Variants in LUZP2 observed in about 807,000 individuals in gnomAD.
LUZP2 encodes the protein leucine zipper protein 2.
Under a neutral mutation model 51.6 loss-of-function variants are expected in LUZP2, and 52 were observed. That is an observed-to-expected ratio of 1.01 (90% confidence interval 0.81 to 1.27). The LOEUF is 1.27. LUZP2 is among the 50% of genes most tolerant of loss of function. LUZP2 has a pLI of 0.00. For synonymous variants in LUZP2, 154 were observed against 137.3 expected (o/e 1.12, Z -0.85); for missense variants, 436 against 395.4 (o/e 1.10, Z -0.87).
intron 9 of LUZP2, among the ~76,000 whole-genome samples, chr11:25,027,739 G>A (rs762124242): frequency 3.7e-4 from 56 of 151,998 alleles, no homozygotes; most frequent in Middle Eastern, 3.4e-3. Context: ...GCGTGGTGGT[G>A]GGTGCCTGTT....
intron 5 of LUZP2, among the ~76,000 whole-genome samples, chr11:24,825,649 A>G (rs570349260): frequency 6.6e-6 from 1 of 152,292 alleles, no homozygotes; most frequent in South Asian, 2.1e-4. Context: ...AAGAAAAACT[A>G]TAAATTTGTC....
intron 7 of LUZP2, among the ~76,000 whole-genome samples, chr11:24,922,585 G>A (rs1173739625): frequency 6.6e-6 from 1 of 152,128 alleles, no homozygotes; most frequent in Non-Finnish European, 1.5e-5. Flanking sequence ...CCAGTTAAAT[G>A]AGGTTTGGTG....
intron 1 of LUZP2, among the ~76,000 whole-genome samples, chr11:24,712,891 G>T (rs979143071): frequency 6.6e-6 from 1 of 152,132 alleles, no homozygotes; most frequent in African/African-American, 2.4e-5. Context: ...TAGATTCCTA[G>T]GTATGGGATT....
At chr11:24,603,991 C>CTA in intron 1 of LUZP2, among the ~76,000 whole-genome samples, 1 of 151,834 alleles carries the variant, frequency 6.6e-6, no homozygotes, top group East Asian at 1.9e-4. Flanking sequence ...AAGATATTAT[C>CTA]TACAGCACAT....
chr11:24,649,444 G>C (rs1855558576), intron 1 of LUZP2, among the ~76,000 whole-genome samples: 1 of 151,960 alleles, frequency 6.6e-6, no homozygotes, highest in South Asian at 2.1e-4. Context: ...AAGTCCACTT[G>C]AGTTTTAAAT....
chr11:24,778,713 A>G (rs1395168327), intron 5 of LUZP2, among the ~76,000 whole-genome samples: 2 of 152,192 alleles, frequency 1.3e-5, no homozygotes, highest in Non-Finnish European at 2.9e-5. Context: ...TTGAGAATGA[A>G]GAGTAGAATT....
chr11:24,916,644 T>A (rs1483010804), intron 7 of LUZP2, among the ~76,000 whole-genome samples: 6 of 152,170 alleles, frequency 3.9e-5, no homozygotes, highest in Non-Finnish European at 5.9e-5. Context: ...TTCATCCATG[T>A]CCCTACAAAG....
chr11:24,812,051 G>A (rs1368052946), intron 5 of LUZP2, among the ~76,000 whole-genome samples: 2 of 152,232 alleles, frequency 1.3e-5, no homozygotes, highest in Admixed American at 6.5e-5. Context: ...TTATTTCATC[G>A]ACAATATGGG....
Position 24,497,239 on chromosome 11 carries a change from G to A in LUZP2, c.-5G>A, listed in dbSNP as rs1375869748. The A allele has an allele frequency of 1.2e-5, 19 of 1,540,952 alleles. No homozygotes were observed. Among genetic ancestry groups the A allele is most frequent in the Non-Finnish European group, 1.8e-6 (2 of 1,140,470 alleles). ...GAGGGAAGGAGGACCCCGGCAGGCA[G>A]CAGCATGAAATTCAGCCCAGCGCAC... On this transcript the variant is annotated 5_prime_UTR_variant, in exon 1 of 12. Coordinates refer to ENST00000336930, the MANE Select transcript of LUZP2 (RefSeq NM_001009909.4).
intron 10 of LUZP2, among the ~76,000 whole-genome samples, chr11:25,072,218 C>G (rs1389778415): frequency 6.6e-6 from 1 of 152,036 alleles, no homozygotes; most frequent in Non-Finnish European, 1.5e-5. Context: ...AGGCACTTTC[C>G]ATCATTACAC....
At chr11:24,959,659 A>G (rs577092458) in intron 7 of LUZP2, among the ~76,000 whole-genome samples, 2 of 152,166 alleles carry the variant, frequency 1.3e-5, no homozygotes, top group Non-Finnish European at 1.5e-5. Context: ...GGGCTGAGAC[A>G]GTGGGGTTTT....
At chr11:24,528,727 C>T (rs1850898383) in intron 1 of LUZP2, among the ~76,000 whole-genome samples, 2 of 151,234 alleles carry the variant, frequency 1.3e-5, no homozygotes, top group African/African-American at 4.8e-5. Context: ...CAGAGACGAA[C>T]TAAAATGTGT....
At chr11:24,892,011 C>A in intron 5 of LUZP2, 1 of 985,578 alleles carries the variant, frequency 1.0e-6, no homozygotes, top group Non-Finnish European at 1.2e-6. Flanking sequence ...GTAGTGCAGG[C>A]TGGCTCTTGG....
At chr11:25,045,150 A>G (rs1401764089) in intron 9 of LUZP2, among the ~76,000 whole-genome samples, 2 of 151,996 alleles carry the variant, frequency 1.3e-5, no homozygotes, top group African/African-American at 4.8e-5. Context: ...TGGCACATGT[A>G]TACATATGTA....
intron 6 of LUZP2, among the ~76,000 whole-genome samples, chr11:24,908,890 G>C (rs1853543094): frequency 6.6e-6 from 1 of 151,294 alleles, no homozygotes; most frequent in South Asian, 2.1e-4. Context: ...TGAGTAGCTG[G>C]GACTATCGGA....
chr11:24,680,229 C>A (rs914072233), intron 1 of LUZP2, among the ~76,000 whole-genome samples: 5 of 152,216 alleles, frequency 3.3e-5, no homozygotes, highest in African/African-American at 7.2e-5. Flanking sequence ...GTCCTTCTGG[C>A]AGAAAAGGAG....
At chr11:24,667,106 A>T (rs1856237949) in intron 1 of LUZP2, among the ~76,000 whole-genome samples, 1 of 152,130 alleles carries the variant, frequency 6.6e-6, no homozygotes, top group African/African-American at 2.4e-5. Context: ...AATATTGCCC[A>T]TGAAAACCTC....
intron 4 of LUZP2, among the ~76,000 whole-genome samples, chr11:24,762,442 T>A (rs920309945): frequency 6.6e-6 from 1 of 152,278 alleles, no homozygotes; most frequent in East Asian, 1.9e-4. Context: ...TATATCAAAT[T>A]AAGTGTATTA....
chr11:24,760,954 A>G (rs1021039144), intron 4 of LUZP2, among the ~76,000 whole-genome samples: 4 of 152,154 alleles, frequency 2.6e-5, no homozygotes, highest in Non-Finnish European at 4.4e-5. Flanking sequence ...TCCTTAACCT[A>G]TCTCAGCTGA....
Sources: allele counts gnomAD v4.1 joint callset (sites outside exome capture counted in the v4.1 genomes callset), GRCh38; gene constraint gnomAD v4.1.1; transcripts MANE v1.5; gene names NCBI Gene and HGNC (gene_info 2026-07-23, HGNC 2026-07-21).